PCDH15: variants seen among roughly 807,000 people sequenced by gnomAD.
PCDH15 encodes protocadherin related 15, also known as protocadherin-15.
PCDH15 carries 129 observed loss-of-function variants against 178.5 expected under a neutral mutation model. The observed-to-expected ratio is 0.72, with a 90% CI of 0.63 to 0.84. The LOEUF (loss-of-function observed/expected upper bound fraction) is 0.84, where lower values mean the gene tolerates loss of function less well. Among genes scored for constraint, PCDH15 ranks in the 40% least tolerant of loss-of-function variants. The probability of loss-of-function intolerance (pLI) is 0.00; values close to 1 mark genes in which losing one functional copy is unlikely to be tolerated. For synonymous variants in PCDH15, 800 were observed against 732.0 expected, an observed-to-expected ratio of 1.09 and a Z score of -1.50; for missense variants, 2,230 against 2,099.9, an observed-to-expected ratio of 1.06 and a Z score of -1.21.
At chr10:54,431,467 G>A (rs1219864) in intron 3 of PCDH15, among the ~76,000 whole-genome samples, 8,108 of 152,230 alleles carry the variant, frequency 0.053, 731 homozygotes, top group African/African-American at 0.19. Flanking sequence ...ACATCAATCA[G>A]TGTGATACAG....
chr10:54,435,637 G>A (rs2075329989), intron 3 of PCDH15, among the ~76,000 whole-genome samples: 2 of 152,072 alleles, frequency 1.3e-5, no homozygotes, highest in Admixed American at 1.3e-4. Context: ...AATAGAAGCA[G>A]CTAATAGATA....
At chr10:55,452,512 G>A (rs1440791648) in intron 2 of PCDH15, among the ~76,000 whole-genome samples, 1 of 152,012 alleles carries the variant, frequency 6.6e-6, no homozygotes, top group Non-Finnish European at 1.5e-5. Context: ...CTAACACTAA[G>A]CCCACAATAG....
At chr10:53,851,679 T>TATAC (rs2078371381) in intron 28 of PCDH15, among the ~76,000 whole-genome samples, 2 of 16,788 alleles carry the variant, frequency 1.2e-4, no homozygotes, top group South Asian at 5.8e-3. Context: ...GAAATATATA[T>TATAC]ATATATATAT....
At chr10:54,656,795 G>A (rs1358948720) in intron 2 of PCDH15, among the ~76,000 whole-genome samples, 1 of 152,174 alleles carries the variant, frequency 6.6e-6, no homozygotes, top group South Asian at 2.1e-4. Context: ...GAAATGTAGT[G>A]TGACACAGAT....
intron 25 of PCDH15, among the ~76,000 whole-genome samples, chr10:53,904,883 T>C (rs1225525774): frequency 2.6e-5 from 4 of 152,140 alleles, no homozygotes; most frequent in Non-Finnish European, 5.9e-5. Flanking sequence ...TTCAGAAACA[T>C]ATACAATTCA....
At chr10:55,271,045 CA>C (rs1331153785) in intron 1 of PCDH15, among the ~76,000 whole-genome samples, 2 of 151,956 alleles carry the variant, frequency 1.3e-5, no homozygotes, top group African/African-American at 2.4e-5. Flanking sequence ...AACAGAAAAC[CA>C]AATACCACAT....
At chr10:55,588,024 G>C (rs1842761994) in intron 2 of PCDH15, among the ~76,000 whole-genome samples, 3 of 152,186 alleles carry the variant, frequency 2.0e-5, no homozygotes, top group African/African-American at 7.2e-5. Flanking sequence ...CCTAGTGTGT[G>C]AGTGGGAAGG....
chr10:54,802,309 C>T (rs1952687455), upstream of PCDH15, among the ~76,000 whole-genome samples: 1 of 152,140 alleles, frequency 6.6e-6, no homozygotes, highest in Admixed American at 6.5e-5. Context: ...ATCTTGCAGG[C>T]TCAGTTTTCC....
chr10:53,843,716 T>C (rs952188726), intron 28 of PCDH15, among the ~76,000 whole-genome samples: 1 of 152,120 alleles, frequency 6.6e-6, no homozygotes, highest in Non-Finnish European at 1.5e-5. Context: ...CATATAAATC[T>C]ATATTTTCTA....
intron 2 of PCDH15, among the ~76,000 whole-genome samples, chr10:54,992,841 G>C (rs527755302): frequency 6.6e-6 from 1 of 151,868 alleles, no homozygotes; most frequent in East Asian, 1.9e-4. Context: ...TTGGGTCTCT[G>C]GTTTGCTTTA....
At chr10:55,054,588 T>A (rs1468214092) in intron 2 of PCDH15, among the ~76,000 whole-genome samples, 1 of 152,230 alleles carries the variant, frequency 6.6e-6, no homozygotes, top group Non-Finnish European at 1.5e-5. Flanking sequence ...TTTATAGGTC[T>A]TTGAGGAATC....
intron 27 of PCDH15, among the ~76,000 whole-genome samples, chr10:53,864,154 A>C (rs1004538618): frequency 1.1e-4 from 16 of 152,146 alleles, no homozygotes; most frequent in African/African-American, 3.4e-4. Flanking sequence ...GTCTGGAGGC[A>C]GGGAACCTAA....
chr10:54,062,213 G>A (rs1157300993), intron 18 of PCDH15, among the ~76,000 whole-genome samples: 1 of 99,778 alleles, frequency 1.0e-5, no homozygotes, highest in Non-Finnish European at 1.9e-5. Flanking sequence ...GGTGACAAGA[G>A]TGAGATTCTG....
chr10:54,968,469 A>G (rs1237360), intron 2 of PCDH15, among the ~76,000 whole-genome samples: 112,449 of 151,882 alleles, frequency 0.74, 41,745 homozygotes, highest in East Asian at 0.89. Flanking sequence ...GGATTCTAAA[A>G]ATGCTTCTTG....
intron 2 of PCDH15, among the ~76,000 whole-genome samples, chr10:54,959,491 A>G (rs1274279964): frequency 6.6e-6 from 1 of 152,038 alleles, no homozygotes. Context: ...TGAAAAGGTT[A>G]AGCAGCAAAA....
intron 2 of PCDH15, among the ~76,000 whole-genome samples, chr10:55,462,715 G>A (rs1338276103): frequency 6.6e-6 from 1 of 152,006 alleles, no homozygotes; most frequent in Non-Finnish European, 1.5e-5. Flanking sequence ...CAGCAGCCTT[G>A]TGTGATCAAT....
intron 2 of PCDH15, among the ~76,000 whole-genome samples, chr10:55,351,463 G>A (rs953827615): frequency 6.6e-6 from 1 of 151,930 alleles, no homozygotes; most frequent in African/African-American, 2.4e-5. Context: ...TATCATTGTT[G>A]CTCAAGTAAT....
At chr10:54,261,431 G>T (rs1304974309) in intron 8 of PCDH15, among the ~76,000 whole-genome samples, 2 of 151,694 alleles carry the variant, frequency 1.3e-5, no homozygotes, top group Non-Finnish European at 2.9e-5. Flanking sequence ...ATTGCTAATT[G>T]AAAAAGACAA....
chr10:54,055,554 A>T (rs2093868000), intron 18 of PCDH15, among the ~76,000 whole-genome samples: 1 of 152,130 alleles, frequency 6.6e-6, no homozygotes, highest in South Asian at 2.1e-4. Flanking sequence ...AGAGATAAAT[A>T]ATTTAGTCCT....
Sources: allele counts gnomAD v4.1 joint callset (sites outside exome capture counted in the v4.1 genomes callset), GRCh38; gene constraint gnomAD v4.1.1; transcripts MANE v1.5; gene names NCBI Gene and HGNC (gene_info 2026-07-23, HGNC 2026-07-21).